Variants in NOM1 observed in about 807,000 individuals in gnomAD.
NOM1 encodes the protein nucleolar protein with MIF4G domain 1, also known as nucleolar MIF4G domain-containing protein 1.
In NOM1, 58 loss-of-function variants were observed where a neutral mutation model predicts 73.3. The observed-to-expected ratio is 0.79, with a 90% confidence interval of 0.64 to 0.99. NOM1 has a LOEUF of 0.99. Among genes scored for constraint, NOM1 ranks in the 50% least tolerant of loss-of-function variants. The pLI, the probability that NOM1 is intolerant of heterozygous loss-of-function variation, is 0.00. For synonymous variants in NOM1, 487 were observed against 446.8 expected, an observed-to-expected ratio of 1.09 and a Z score of -1.14; for missense variants, 1,226 against 1,131.9, an observed-to-expected ratio of 1.08 and a Z score of -1.19.
intron 6 of NOM1, chr7:156,963,481 C>A (rs1804919612): frequency 2.1e-6 from 1 of 471,628 alleles, no homozygotes; most frequent in Non-Finnish European, 3.9e-6. Context: ...AGGCTGCCCC[C>A]CGGGCTGTGC....
rs1331150238 is a variant in NOM1, at chr7:156,960,171, C to T, written c.1629C>T (p.Thr543=). ...CAGGCAGCGAGTTTCAGGACCAGACCAGGGTACGCGTGCGACGCTTGATCT... is the reference window on the plus strand; with the variant it reads ...CAGGCAGCGAGTTTCAGGACCAGACTAGGGTACGCGTGCGACGCTTGATCT... ...SGAGSEFQDQ[T]RIRFMLETML... The change falls in exon 4 of 11, where the codon ACC becomes ACT. Residue 543 remains threonine (T), a synonymous_variant. Transcript: ENST00000275820. 2 of 1,611,890 alleles carry T rather than the reference C, an allele frequency of 1.2e-6. No individual in the cohort carries two copies. Among genetic ancestry groups the T allele is most frequent in the Non-Finnish European group, 1.7e-6 (2 of 1,179,486 alleles).
At chr7:156,958,973 A>G (rs1278830083) in intron 3 of NOM1, 1 of 152,176 alleles carries the variant, frequency 6.6e-6, no homozygotes, top group African/African-American at 2.4e-5. Context: ...CTATTTGGCA[A>G]CCTCTGATAT....
chr7:156,964,134 G>A, intron 7 of NOM1, 108 bp downstream of exon 7: 1 of 1,196,584 alleles, frequency 8.4e-7, no homozygotes, highest in East Asian at 2.5e-5. Context: ...GCCTAGGGAG[G>A]ACTGGGCTGT....
At chr7:156,963,841 C>A in intron 6 of NOM1, 64 bp from the exon 7 acceptor site, 1 of 1,562,232 alleles carries the variant, frequency 6.4e-7, no homozygotes, top group Non-Finnish European at 8.7e-7. Flanking sequence ...TACAGTTTGG[C>A]ACCTCTCGGG....
At chr7:156,963,877 A>ATGACT in intron 6 of NOM1, 28 bp from the exon 7 acceptor site, 1 of 1,605,576 alleles carries the variant, frequency 6.2e-7, no homozygotes. Flanking sequence ...AGACATGCGT[A>ATGACT]TGACTTGTCC....
chr7:156,968,295 C>G (rs948460543), intron 9 of NOM1, among the ~76,000 whole-genome samples: 3 of 152,176 alleles, frequency 2.0e-5, no homozygotes, highest in African/African-American at 7.2e-5. Context: ...GTGGCAGGAG[C>G]ACACCCTCAG....
Position 156,969,204 on chromosome 7 carries a change from C to T in NOM1, c.2408+8C>T, listed in dbSNP as rs190626556. On this transcript the variant is annotated splice_region_variant and intron_variant, in intron 10 of 10. Transcript: ENST00000275820. The stretch of plus-strand genomic sequence containing the variant: ...CAGTTTAATTTTCACAAGGTATGTG[C>T]CCCACCCTTTCCGACGAGACATGGA... 4.5e-6 allele frequency: 6 copies of T among 1,336,666 alleles called. No homozygotes were observed. Among genetic ancestry groups the T allele is most frequent in the African/African-American group, 4.3e-5 (3 of 69,786 alleles). The allele number at this position is 1,336,666 out of a possible 1,614,324, so 82.8% of individuals were successfully genotyped here. A position where few individuals can be genotyped will look rare whatever the true frequency, so the allele number is the denominator to read the frequency against.
intron 2 of NOM1, among the ~76,000 whole-genome samples, chr7:156,953,212 C>T (rs1360168525): frequency 6.6e-6 from 1 of 152,162 alleles, no homozygotes; most frequent in Non-Finnish European, 1.5e-5. Context: ...CAACCTCTGC[C>T]TCCACCTCCC....
intron 1 of NOM1, among the ~76,000 whole-genome samples, chr7:156,952,229 G>A (rs1022772604): frequency 1.2e-4 from 18 of 152,142 alleles, no homozygotes; most frequent in Non-Finnish European, 2.6e-4. Flanking sequence ...CTACACAGGG[G>A]AAAACGAGAT....
At chr7:156,956,150 G>T (rs967617405) in intron 3 of NOM1, among the ~76,000 whole-genome samples, 1 of 151,080 alleles carries the variant, frequency 6.6e-6, no homozygotes, top group Non-Finnish European at 1.5e-5. Context: ...CCGAGATCGC[G>T]TCACTGCACT....
rs970140215 is a variant in NOM1 at position 156,950,106 on chromosome 7, G to A, written c.369G>A (p.Arg123=). 1 of 1,550,826 alleles carries A rather than the reference G, an allele frequency of 6.4e-7. No homozygotes were observed. The change falls in exon 1 of 11, where the codon CGG becomes CGA. Residue 123 remains arginine, a synonymous_variant. Transcript: ENST00000275820. The part of the protein sequence containing the change: ...RSGAEEASGH[R]QDTEERARPA... ...GAGCCGAAGAAGCCAGCGGTCACCG[G>A]CAGGACACGGAGGAGCGCGCCCGCC...
intron 5 of NOM1, among the ~76,000 whole-genome samples, chr7:156,962,675 C>T (rs1310800340): frequency 6.6e-6 from 1 of 152,156 alleles, no homozygotes; most frequent in Non-Finnish European, 1.5e-5. Flanking sequence ...TCTTTCAGCC[C>T]CTGTCATCTC....
chr7:156,949,818 G>C lies in NOM1; in HGVS notation c.81G>C (p.Gly27=). ...TGGTCCGCATGAAGCGCAGAGGCGG[G>C]CGCGGGCCGCGCCGCGGTCCTGCTG... ...GRVVRMKRRG[G]RGPRRGPAGG... Residue 27 remains glycine, a synonymous_variant, in exon 1 of 11, where the codon GGG becomes GGC. Transcript: ENST00000275820. The C allele has an allele frequency of 1.4e-6, 2 of 1,446,580 alleles. No individual in the cohort carries two copies. The highest frequency in any genetic ancestry group is 1.8e-6 in the Non-Finnish European group (2 of 1,102,560). The allele number at this position is 1,446,580 out of a possible 1,614,324, so 89.6% of individuals were successfully genotyped here.
intron 3 of NOM1, among the ~76,000 whole-genome samples, chr7:156,958,239 C>T (rs1275876805): frequency 6.6e-6 from 1 of 152,202 alleles, no homozygotes; most frequent in African/African-American, 2.4e-5. Flanking sequence ...GCTTAATAAC[C>T]CCTGAGCTGG....
Position 156,954,392 on chromosome 7 carries a change from T to C in NOM1, c.1308+94T>C, listed in dbSNP as rs1269532519. The C allele has an allele frequency of 3.7e-6, 4 of 1,078,090 alleles. No individual in the cohort carries two copies. The African/African-American group carries it at 4.8e-5, about 13-fold the overall frequency. The allele number at this position is 1,078,090 out of a possible 1,614,324, so 66.8% of individuals were successfully genotyped here. On this transcript the variant is annotated intron_variant, in intron 3 of 10. Transcript: ENST00000275820. ...TAAGTGCGTAATTGTGTGCTGTGGG[T>C]GGTTCTTGTGTCGATTCCTTTTTGT...
chr7:156,953,665 C>A (rs1460588206), intron 2 of NOM1, among the ~76,000 whole-genome samples: 1 of 152,150 alleles, frequency 6.6e-6, no homozygotes, highest in Non-Finnish European at 1.5e-5. Flanking sequence ...TGTAGTGTCC[C>A]CACTACCCGT....
chr7:156,967,229 G>A lies in NOM1; in HGVS notation c.2298+137G>A, dbSNP rs1355387469. 1.3e-5 allele frequency: 14 copies of A among 1,053,428 alleles called. No homozygotes were observed. The Middle Eastern group carries it at 8.5e-4, about 64-fold the overall frequency. 65.3% of individuals were successfully genotyped at this position (1,053,428 alleles called of 1,614,324 possible). On this transcript the variant is annotated intron_variant, in intron 9 of 10. Transcript: ENST00000275820. ...TCTGAAAAGTGCTTGCATTATCCTA[G>A]CCAGGACAGAAAACGGCCAGACTAA...
chr7:156,969,347 T>C (rs1230058319), intron 10 of NOM1, 151 bp downstream of exon 10: 5 of 731,796 alleles, frequency 6.8e-6, no homozygotes, highest in Non-Finnish European at 8.9e-6. Flanking sequence ...ATCTGGGGAA[T>C]AGAAACTTGT....
Position 156,950,542 on chromosome 7 carries a change from A to T in NOM1, c.805A>T (p.Lys269Ter). The T allele has an allele frequency of 6.2e-7, 1 of 1,613,208 alleles. No homozygotes were observed. Among genetic ancestry groups the T allele is most frequent in the Non-Finnish European group, 8.5e-7 (1 of 1,179,458 alleles). Residue 269 changes from lysine to a stop codon, truncating the protein, a stop_gained, in exon 1 of 11, where the codon AAG (lysine) becomes TAG (stop). Coordinates refer to ENST00000275820, the MANE Select transcript of NOM1 (RefSeq NM_138400.2). LOFTEE classifies it high-confidence loss of function. Reference sequence around the variant, plus strand: ...GGAGGAGGAGGAGGGAGACGTAGAAAAGGAAAAGAAGGCGCAGGAAGCAGA... The same window carrying T: ...GGAGGAGGAGGAGGGAGACGTAGAATAGGAAAAGAAGGCGCAGGAAGCAGA... ...SEEEEEGDVE[K>*]EKKAQEAEAQ... is the part of the protein sequence containing the mutation.
Sources: gnomAD v4.1 joint callset for allele counts (sites outside exome capture counted in the v4.1 genomes callset) on GRCh38, gnomAD v4.1.1 for gene constraint, MANE v1.5 for transcripts, NCBI Gene and HGNC (gene_info 2026-07-23, HGNC 2026-07-21) for gene names.